Variants in PCDH15 observed in about 807,000 individuals in gnomAD.
PCDH15 encodes protocadherin-15.
Under a neutral mutation model 178.5 loss-of-function variants are expected in PCDH15, and 129 were observed. The ratio of observed to expected loss-of-function variants is 0.72; its 90% CI spans 0.63 to 0.84. The LOEUF is 0.84. Among genes scored for constraint, PCDH15 ranks in the 40% least tolerant of loss-of-function variants. PCDH15 has a pLI of 0.00. For synonymous variants in PCDH15, 800 were observed against 732.0 expected (o/e 1.09, Z -1.50); for missense variants, 2,230 against 2,099.9 (o/e 1.06, Z -1.21).
intron 1 of PCDH15, among the ~76,000 whole-genome samples, chr10:54,757,024 A>G (rs1310098296): frequency 6.6e-6 from 1 of 151,848 alleles, no homozygotes; most frequent in Non-Finnish European, 1.5e-5. Flanking sequence ...TTGGATTACC[A>G]TATGTCTCAA....
intron 1 of PCDH15, among the ~76,000 whole-genome samples, chr10:55,248,442 T>G (rs1841741942): frequency 6.6e-6 from 1 of 152,200 alleles, no homozygotes; most frequent in South Asian, 2.1e-4. Flanking sequence ...TGTTTTACAT[T>G]TATCTATTCA....
chr10:55,627,279 T>C (rs1837548389), intron 2 of PCDH15, among the ~76,000 whole-genome samples: 1 of 152,120 alleles, frequency 6.6e-6, no homozygotes, highest in Non-Finnish European at 1.5e-5. Context: ...TATATGACAC[T>C]GACATTTATT....
chr10:54,774,898 T>C (rs1949524878), intron 1 of PCDH15, among the ~76,000 whole-genome samples: 1 of 151,444 alleles, frequency 6.6e-6, no homozygotes, highest in African/African-American at 2.4e-5. Context: ...AGATAATCTA[T>C]TTAATAAAGA....
intron 2 of PCDH15, among the ~76,000 whole-genome samples, chr10:55,455,125 T>C (rs1295049684): frequency 6.6e-6 from 1 of 152,148 alleles, no homozygotes; most frequent in African/African-American, 2.4e-5. Context: ...TAAGAAAATC[T>C]GGGTTCAAAC....
At chr10:54,033,843 T>G (rs1292482509) in intron 18 of PCDH15, among the ~76,000 whole-genome samples, 52 of 152,024 alleles carry the variant, frequency 3.4e-4, no homozygotes, top group East Asian at 1.9e-4. Flanking sequence ...AGGTCCTATA[T>G]ACTAATCCAA....
At chr10:53,980,689 T>C (rs1348664757) in intron 21 of PCDH15, among the ~76,000 whole-genome samples, 1 of 152,216 alleles carries the variant, frequency 6.6e-6, no homozygotes, top group Non-Finnish European at 1.5e-5. Context: ...TATTCCTATA[T>C]GATTACAAGG....
intron 20 of PCDH15, 132 bp downstream of exon 20, chr10:54,020,060 C>T (rs1174932447): frequency 1.4e-6 from 1 of 725,600 alleles, no homozygotes; most frequent in Non-Finnish European, 2.3e-6. Flanking sequence ...ATTGGAAAAT[C>T]TATGTTATGG....
chr10:53,820,281 G>A (rs12245808), intron 32 of PCDH15, 51 bp from the exon 33 acceptor site: 7,645 of 396,924 alleles, frequency 0.019, 493 homozygotes, highest in African/African-American at 0.14. Flanking sequence ...AGAACCCCAA[G>A]AAAGTAATTA....
chr10:54,307,028 A>ATGTG (rs1218411712), intron 8 of PCDH15, among the ~76,000 whole-genome samples: 3 of 30,726 alleles, frequency 9.8e-5, no homozygotes, highest in South Asian at 1.2e-3. Flanking sequence ...ATATATATAT[A>ATGTG]TGTGTGTGTG....
chr10:55,455,660 A>T (rs1839534463), intron 2 of PCDH15, among the ~76,000 whole-genome samples: 1 of 152,186 alleles, frequency 6.6e-6, no homozygotes, highest in South Asian at 2.1e-4. Flanking sequence ...ACATAAGAAT[A>T]ACATACTCTA....
chr10:54,086,747 C>T (rs746778169), intron 16 of PCDH15, among the ~76,000 whole-genome samples: 1 of 152,144 alleles, frequency 6.6e-6, no homozygotes, highest in Non-Finnish European at 1.5e-5. Flanking sequence ...ATCACACAAC[C>T]ATTATAGGGA....
intron 13 of PCDH15, among the ~76,000 whole-genome samples, chr10:54,171,113 A>G (rs2046861842): frequency 6.6e-6 from 1 of 152,118 alleles, no homozygotes; most frequent in African/African-American, 2.4e-5. Flanking sequence ...CCCTTCTGTC[A>G]GACATAATTC....
chr10:54,935,754 T>C (rs1182587220), intron 2 of PCDH15, among the ~76,000 whole-genome samples: 1 of 152,126 alleles, frequency 6.6e-6, no homozygotes, highest in Non-Finnish European at 1.5e-5. Flanking sequence ...TATTATTGCC[T>C]CTGAATTTTT....
chr10:54,525,658 C>T (rs141337770), intron 3 of PCDH15, among the ~76,000 whole-genome samples: 34 of 152,250 alleles, frequency 2.2e-4, no homozygotes, highest in African/African-American at 7.9e-4. Context: ...AGGGTCTTGC[C>T]ATGTTGGCCA....
chr10:54,760,397 C>A (rs541106253), intron 1 of PCDH15, among the ~76,000 whole-genome samples: 4 of 152,252 alleles, frequency 2.6e-5, no homozygotes, highest in African/African-American at 9.6e-5. Flanking sequence ...AATTGCCTCA[C>A]TGATGTGAGG....
chr10:54,320,078 C>G (rs1027257047), intron 7 of PCDH15, among the ~76,000 whole-genome samples: 1 of 151,896 alleles, frequency 6.6e-6, no homozygotes, highest in Non-Finnish European at 1.5e-5. Flanking sequence ...CACTCAGATC[C>G]CTAGAGGCAC....
intron 20 of PCDH15, among the ~76,000 whole-genome samples, chr10:54,010,452 G>C (rs1258643452): frequency 6.6e-6 from 1 of 152,102 alleles, no homozygotes; most frequent in Non-Finnish European, 1.5e-5. Context: ...TTGCCCTCAG[G>C]CTCAGGAGGG....
chr10:55,326,059 G>A (rs764110562), intron 2 of PCDH15, among the ~76,000 whole-genome samples: 1 of 152,148 alleles, frequency 6.6e-6, no homozygotes, highest in Non-Finnish European at 1.5e-5. Flanking sequence ...ACATGAGTCA[G>A]TATAGTTATT....
intron 2 of PCDH15, among the ~76,000 whole-genome samples, chr10:55,106,758 CA>C (rs1420383822): frequency 9.2e-5 from 14 of 151,628 alleles, no homozygotes; most frequent in Admixed American, 7.9e-4. Context: ...ATTCTCCCAA[CA>C]AAAAAAGGGG....
Sources: allele counts gnomAD v4.1 joint callset (sites outside exome capture counted in the v4.1 genomes callset), GRCh38; gene constraint gnomAD v4.1.1; transcripts MANE v1.5; gene names NCBI Gene and HGNC (gene_info 2026-07-23, HGNC 2026-07-21).